The following ANKS1B variants were observed in gnomAD, a reference collection of about 807,000 sequenced individuals.
ANKS1B encodes the protein ankyrin repeat and sterile alpha motif domain containing 1B, also known as ankyrin repeat and sterile alpha motif domain-containing protein 1B.
ANKS1B carries 36 observed loss-of-function variants against 148.3 expected under a neutral mutation model. The ratio of observed to expected loss-of-function variants is 0.24; its 90% CI spans 0.19 to 0.32. The LOEUF (loss-of-function observed/expected upper bound fraction) is 0.32, where lower values mean the gene tolerates loss of function less well. ANKS1B is among the 10% of genes least tolerant of loss of function. The pLI, the probability that ANKS1B is intolerant of heterozygous loss-of-function variation, is 1.00. For missense variants in ANKS1B, 1,157 were observed against 1,542.6 expected, an observed-to-expected ratio of 0.75 and a Z score of 4.19; for synonymous variants, 542 against 560.8, an observed-to-expected ratio of 0.97 and a Z score of 0.47.
chr12:99,171,696 C>T (rs568300311), intron 14 of ANKS1B, among the ~76,000 whole-genome samples: 1 of 152,248 alleles, frequency 6.6e-6, no homozygotes, highest in African/African-American at 2.4e-5. Flanking sequence ...AATCTTTTGG[C>T]AGACAACAAA....
chr12:99,465,587 G>C (rs2096089064), intron 10 of ANKS1B, among the ~76,000 whole-genome samples: 1 of 152,050 alleles, frequency 6.6e-6, no homozygotes, highest in South Asian at 2.1e-4. Context: ...AAAATAAAAG[G>C]ATGGAGGAAG....
intron 12 of ANKS1B, among the ~76,000 whole-genome samples, chr12:99,385,696 A>G (rs1458835188): frequency 6.6e-6 from 1 of 152,198 alleles, no homozygotes; most frequent in Non-Finnish European, 1.5e-5. Flanking sequence ...CTAGAAAATC[A>G]TAACTAATAA....
chr12:99,185,224 T>C (rs1353695342), intron 14 of ANKS1B, among the ~76,000 whole-genome samples: 1 of 152,106 alleles, frequency 6.6e-6, no homozygotes, highest in African/African-American at 2.4e-5. Context: ...CATTTAAAAA[T>C]ATGTGTAAGA....
intron 17 of ANKS1B, among the ~76,000 whole-genome samples, chr12:98,930,012 G>GGA (rs2099812360): frequency 6.6e-6 from 1 of 152,034 alleles, no homozygotes; most frequent in African/African-American, 2.4e-5. Context: ...CCACAAAAAT[G>GGA]GAGAAAATAT....
rs1023576796 is a variant in ANKS1B at position 99,355,935 on chromosome 12, A to G, written c.1756+43696T>C. On this transcript the variant is annotated intron_variant, in intron 12 of 26. Coordinates refer to ENST00000683438, the MANE Select transcript of ANKS1B (RefSeq NM_001352186.2). ...TTTCTCAGTGAAGAGAAAAGGATGG[A>G]AATTATAATAAAATTATTAAAATTT... is the stretch of plus-strand genomic sequence containing the variant. 5.3e-5 allele frequency among the ~76,000 whole-genome samples: 8 copies of G among 152,074 alleles called. 1 individual carries two copies. Among genetic ancestry groups the G allele is most frequent in the Admixed American group, 1.3e-4 (2 of 15,254 alleles).
chr12:99,856,019 G>A (rs12299561), intron 1 of ANKS1B, among the ~76,000 whole-genome samples: 1 of 151,700 alleles, frequency 6.6e-6, no homozygotes, highest in South Asian at 2.1e-4. Flanking sequence ...GAAACAAGAA[G>A]CAACCAAACC....
intron 14 of ANKS1B, among the ~76,000 whole-genome samples, chr12:99,211,771 G>T (rs1386292756): frequency 1.3e-5 from 2 of 152,164 alleles, no homozygotes; most frequent in Non-Finnish European, 2.9e-5. Context: ...CATTGAAGTG[G>T]TATTGAGCTA....
intron 17 of ANKS1B, among the ~76,000 whole-genome samples, chr12:99,013,302 T>C (rs542823017): frequency 2.6e-5 from 4 of 152,272 alleles, no homozygotes; most frequent in Admixed American, 6.5e-5. Flanking sequence ...ATTTCCTATG[T>C]CTTAAGAACT....
chr12:99,165,731 A>C (rs904418616), intron 14 of ANKS1B, among the ~76,000 whole-genome samples: 4 of 151,844 alleles, frequency 2.6e-5, no homozygotes, highest in Admixed American at 6.6e-5. Flanking sequence ...TTCTACACAA[A>C]CTCTTCCAGA....
chr12:99,536,809 A>G (rs1181581010), intron 9 of ANKS1B, among the ~76,000 whole-genome samples: 1 of 152,098 alleles, frequency 6.6e-6, no homozygotes, highest in Admixed American at 6.5e-5. Flanking sequence ...TTAAGTTATA[A>G]TTTATTATAG....
At chr12:98,788,679 C>T (rs1042689920) in intron 22 of ANKS1B, among the ~76,000 whole-genome samples, 6 of 152,204 alleles carry the variant, frequency 3.9e-5, no homozygotes, top group African/African-American at 7.2e-5. Flanking sequence ...CGGTGCCCTC[C>T]GTTTCTATAT....
chr12:99,567,026 A>C lies in ANKS1B; in HGVS notation c.1273-62385T>G, dbSNP rs2097401880. ...CAGTTTCTCCTGCTTTTCATCAGTCAGGAGTCTGGGCCTGGCTCAGTCTTA... is the reference window on the plus strand; with the variant it reads ...CAGTTTCTCCTGCTTTTCATCAGTCCGGAGTCTGGGCCTGGCTCAGTCTTA... On this transcript the variant is annotated intron_variant, in intron 9 of 26. Coordinates refer to ENST00000683438, the MANE Select transcript of ANKS1B (RefSeq NM_001352186.2). Among the ~76,000 whole-genome samples, 3 of 152,296 alleles carry C rather than the reference A, an allele frequency of 2.0e-5. 1 individual carries two copies. The South Asian group carries it at 6.2e-4, about 32-fold the overall frequency.
intron 13 of ANKS1B, 52 bp downstream of exon 13, chr12:99,246,223 T>C (rs2073866237): frequency 1.5e-6 from 2 of 1,367,134 alleles, no homozygotes; most frequent in Non-Finnish European, 1.9e-6. Flanking sequence ...CCCCCAAACC[T>C]CCCTCAACTG....
intron 9 of ANKS1B, 125 bp from the exon 10 acceptor site, chr12:99,504,766 T>A (rs1263272750): frequency 1.5e-6 from 1 of 668,996 alleles, no homozygotes; most frequent in Non-Finnish European, 2.4e-6. Flanking sequence ...TGATGATTCA[T>A]CTGTTTGAAT....
intron 17 of ANKS1B, among the ~76,000 whole-genome samples, chr12:98,834,858 G>GA (rs962692604): frequency 3.3e-5 from 5 of 151,990 alleles, no homozygotes; most frequent in Non-Finnish European, 7.4e-5. Context: ...CTCCATCTCA[G>GA]AAAAAATATG....
chr12:99,257,597 G>A (rs560528076), intron 12 of ANKS1B, among the ~76,000 whole-genome samples: 1 of 151,906 alleles, frequency 6.6e-6, no homozygotes, highest in African/African-American at 2.4e-5. Flanking sequence ...ATATATAGTG[G>A]TTCTATTTCT....
intron 14 of ANKS1B, among the ~76,000 whole-genome samples, chr12:99,164,828 T>A (rs1240919945): frequency 6.6e-6 from 1 of 152,086 alleles, no homozygotes; most frequent in Non-Finnish European, 1.5e-5. Flanking sequence ...ATATTCCTCC[T>A]ATTTAAAGAG....
chr12:99,351,942 T>C (rs1030821812), intron 12 of ANKS1B: 6 of 152,086 alleles, frequency 3.9e-5, no homozygotes, highest in Non-Finnish European at 8.8e-5. Context: ...AAGGAAAGTT[T>C]AAAATAATTT....
intron 14 of ANKS1B, among the ~76,000 whole-genome samples, chr12:99,166,900 G>A (rs147999568): frequency 6.3e-4 from 96 of 152,074 alleles, no homozygotes; most frequent in African/African-American, 2.2e-3. Context: ...TTAGGATATT[G>A]GGGTCAAGAT....
Sources: allele counts gnomAD v4.1 joint callset (sites outside exome capture counted in the v4.1 genomes callset), GRCh38; gene constraint gnomAD v4.1.1; transcripts MANE v1.5; gene names NCBI Gene and HGNC (gene_info 2026-07-23, HGNC 2026-07-21).